Variants in WDFY4 observed in about 807,000 individuals in gnomAD.
The protein encoded by WDFY4 is WDFY family member 4, also known as WD repeat- and FYVE domain-containing protein 4.
Under a neutral mutation model 351.9 loss-of-function variants are expected in WDFY4, and 169 were observed. The observed-to-expected ratio is 0.48, with a 90% CI of 0.42 to 0.55. The LOEUF is 0.55. Among genes scored for constraint, WDFY4 ranks in the 20% least tolerant of loss-of-function variants. WDFY4 has a pLI of 0.00. For synonymous variants in WDFY4, 1,622 were observed against 1,574.6 expected (o/e 1.03, Z -0.71); for missense variants, 3,803 against 3,935.6 (o/e 0.97, Z 0.90).
At chr10:48,929,845 G>T (rs1391135295) in intron 47 of WDFY4, among the ~76,000 whole-genome samples, 1 of 152,236 alleles carries the variant, frequency 6.6e-6, no homozygotes, top group East Asian at 1.9e-4. Context: ...CCAAACTGTG[G>T]CATCAGACTT....
At chr10:48,879,287 A>G (rs1026720501) in intron 43 of WDFY4, among the ~76,000 whole-genome samples, 1 of 152,184 alleles carries the variant, frequency 6.6e-6, no homozygotes, top group African/African-American at 2.4e-5. Flanking sequence ...GGGCGAGAGG[A>G]TGCTCCTGGT....
chr10:48,903,641 A>G (rs1207493392), intron 47 of WDFY4, among the ~76,000 whole-genome samples: 1 of 152,208 alleles, frequency 6.6e-6, no homozygotes, highest in Non-Finnish European at 1.5e-5. Flanking sequence ...TGGAAAATTA[A>G]ATGAGGATGA....
rs2132727188 is a variant in WDFY4, at chr10:48,788,646, G to A, written c.3925G>A (p.Glu1309Lys). 1 of 1,551,720 alleles carries A rather than the reference G, an allele frequency of 6.4e-7. No individual in the cohort carries two copies. The highest frequency in any genetic ancestry group is 2.0e-5 in the Admixed American group (1 of 51,010). ...AGCGGACATCAGAAATGCTTACAAT[G>A]AGGTGGACAGCCGCCTGATCGCCAA... ...SVADIRNAYN[E>K]VDSRLIAKEM... The change falls in exon 21 of 62, where the codon GAG (glutamate) becomes AAG (lysine). Residue 1309 changes from glutamate to lysine, a missense_variant. Physicochemically the swap from Glu to Lys is moderately conservative, Grantham distance 56 (BLOSUM62 1). Around this residue, in one of 3 missense-constraint regions of WDFY4, gnomAD observed 3,054 missense variants for 3,148.6 expected, o/e 0.97. Transcript: ENST00000325239.
At chr10:48,931,394 C>T (rs1478162453) in intron 47 of WDFY4, among the ~76,000 whole-genome samples, 1 of 152,182 alleles carries the variant, frequency 6.6e-6, no homozygotes, top group African/African-American at 2.4e-5. Context: ...CAGCCCAAGG[C>T]AGCCGTTCCT....
chr10:48,695,905 G>A (rs570880610), intron 1 of WDFY4, among the ~76,000 whole-genome samples: 10 of 152,146 alleles, frequency 6.6e-5, no homozygotes, highest in African/African-American at 2.4e-4. Context: ...GTGAGTTCCT[G>A]TATTCCGTTG....
chr10:48,780,581 A>G (rs2066187496), intron 19 of WDFY4, among the ~76,000 whole-genome samples: 1 of 152,200 alleles, frequency 6.6e-6, no homozygotes, highest in African/African-American at 2.4e-5. Context: ...ACGTGTCGTC[A>G]GATTTAGAGC....
intron 41 of WDFY4, among the ~76,000 whole-genome samples, 164 bp from the exon 42 acceptor site, chr10:48,874,925 T>C (rs1169439880): frequency 2.0e-5 from 3 of 152,238 alleles, no homozygotes; most frequent in Non-Finnish European, 4.4e-5. Flanking sequence ...CATTTTATTG[T>C]GGTCCTTTAG....
intron 61 of WDFY4, among the ~76,000 whole-genome samples, 170 bp downstream of exon 61, chr10:48,981,648 G>A (rs1842810123): frequency 6.6e-6 from 1 of 152,246 alleles, no homozygotes; most frequent in South Asian, 2.1e-4. Flanking sequence ...AGAGCCCCAG[G>A]AAACGTTTTT....
intron 47 of WDFY4, chr10:48,913,241 C>T (rs545344150): frequency 7.0e-5 from 52 of 739,398 alleles, no homozygotes; most frequent in Admixed American, 4.9e-4. Flanking sequence ...CACAATCACA[C>T]GCCGAGAAAG....
chr10:48,934,047 G>A (rs1426603784), intron 47 of WDFY4, among the ~76,000 whole-genome samples: 1 of 152,104 alleles, frequency 6.6e-6, no homozygotes, highest in Non-Finnish European at 1.5e-5. Context: ...CTCCCTGGAG[G>A]CTGAGGCTCA....
At position 48,709,745 on chromosome 10, in the gene WDFY4, G is replaced by T; in HGVS notation, c.13G>T (p.Asp5Tyr). The T allele has an allele frequency of 6.4e-7, 1 of 1,552,042 alleles. No individual in the cohort carries two copies. The highest frequency in any genetic ancestry group is 1.4e-5 in the African/African-American group (1 of 73,184). The change falls in exon 2 of 62, where the codon GAT becomes TAT. Residue 5 changes from aspartate (D) to tyrosine (Y), a missense_variant. Transcript: ENST00000325239. Reference protein sequence around the residue: MEAEDLSKAEDRNED... With the variant: MEAEYLSKAEDRNED... ...GCTTTGCCACGGCATGGAGGCAGAA[G>T]ATCTTTCAAAGGCTGAAGACAGAAA...
chr10:48,808,654 G>A (rs552823128), intron 28 of WDFY4, among the ~76,000 whole-genome samples: 1 of 152,304 alleles, frequency 6.6e-6, no homozygotes, highest in African/African-American at 2.4e-5. Context: ...CCTCAGTAAA[G>A]CAGCTTTATA....
intron 47 of WDFY4, among the ~76,000 whole-genome samples, chr10:48,917,879 G>A (rs775912669): frequency 1.4e-4 from 21 of 152,236 alleles, no homozygotes; most frequent in African/African-American, 2.2e-4. Context: ...GTATGTGATC[G>A]AAAGAAAACT....
intron 12 of WDFY4, among the ~76,000 whole-genome samples, chr10:48,749,065 GTAGT>G (rs1331362658): frequency 1.3e-5 from 2 of 152,174 alleles, no homozygotes; most frequent in African/African-American, 2.4e-5. Context: ...AGGGAAGATG[GTAGT>G]TAGAGTGATC....
At chr10:48,746,369 C>T (rs2065015427) in intron 12 of WDFY4, among the ~76,000 whole-genome samples, 4 of 152,096 alleles carry the variant, frequency 2.6e-5, no homozygotes, top group Admixed American at 2.6e-4. Context: ...AGGACTATAT[C>T]AGGTTTCTTT....
At chr10:48,828,641 A>T in intron 36 of WDFY4, 137 bp from the exon 37 acceptor site, 1 of 542,484 alleles carries the variant, frequency 1.8e-6, no homozygotes, top group Non-Finnish European at 3.2e-6. Context: ...TGTTTGCTTT[A>T]ATTTGATTAG....
intron 12 of WDFY4, among the ~76,000 whole-genome samples, chr10:48,750,063 C>A (rs1331515708): frequency 6.6e-6 from 1 of 152,246 alleles, no homozygotes; most frequent in African/African-American, 2.4e-5. Context: ...GAGCCCTAAA[C>A]ACTTACTCCT....
At chr10:48,711,577 C>T (rs2063768658) in intron 2 of WDFY4, among the ~76,000 whole-genome samples, 1 of 152,046 alleles carries the variant, frequency 6.6e-6, no homozygotes, top group Admixed American at 6.5e-5. Flanking sequence ...AGGACTGCAC[C>T]CAAGAGCCAG....
chr10:48,981,764 T>C (rs1019751225), intron 61 of WDFY4, among the ~76,000 whole-genome samples: 2 of 152,240 alleles, frequency 1.3e-5, no homozygotes, highest in Non-Finnish European at 2.9e-5. Context: ...TATAAGTATA[T>C]TGTTTTGTAA....
Sources: allele counts gnomAD v4.1 joint callset (sites outside exome capture counted in the v4.1 genomes callset), GRCh38; gene constraint gnomAD v4.1.1; regional missense constraint gnomAD v4.1.1; transcripts MANE v1.5; gene names NCBI Gene and HGNC (gene_info 2026-07-23, HGNC 2026-07-21).